FBXW7: variants seen among roughly 807,000 people sequenced by gnomAD.
FBXW7 encodes F-box/WD repeat-containing protein 7.
Under a neutral mutation model 86.3 loss-of-function variants are expected in FBXW7, and 11 were observed. That is an observed-to-expected ratio of 0.13 (90% CI 0.08 to 0.21). The LOEUF (loss-of-function observed/expected upper bound fraction) is 0.21, where lower values mean the gene tolerates loss of function less well. Among genes scored for constraint, FBXW7 ranks in the 10% least tolerant of loss-of-function variants. FBXW7 has a pLI of 1.00. For missense variants in FBXW7, 488 were observed against 847.4 expected, an observed-to-expected ratio of 0.58 and a Z score of 5.27; for synonymous variants, 313 against 297.9, an observed-to-expected ratio of 1.05 and a Z score of -0.52.
chr4:152,478,454 C>T (rs1430452551), intron 2 of FBXW7, among the ~76,000 whole-genome samples: 4 of 152,006 alleles, frequency 2.6e-5, no homozygotes, highest in Non-Finnish European at 5.9e-5. Context: ...ACACATTTGT[C>T]CATTCATCTG....
chr4:152,444,086 T>C (rs1741147161), intron 2 of FBXW7, among the ~76,000 whole-genome samples: 1 of 151,214 alleles, frequency 6.6e-6, no homozygotes, highest in South Asian at 2.1e-4. Context: ...GCTTTAAAAA[T>C]GGGTGCCATG....
chr4:152,367,787 C>T (rs937912703), intron 4 of FBXW7, among the ~76,000 whole-genome samples: 1 of 152,014 alleles, frequency 6.6e-6, no homozygotes, highest in African/African-American at 2.4e-5. Context: ...TTTCACAAAG[C>T]ATCTACATTT....
At chr4:152,346,890 T>C (rs1005839839) in intron 6 of FBXW7, 40 bp downstream of exon 6, 2 of 1,608,638 alleles carry the variant, frequency 1.2e-6, no homozygotes, top group Non-Finnish European at 1.7e-6. Flanking sequence ...TTTGCAGCAA[T>C]TAAGTGAGGC....
At chr4:152,376,885 T>C (rs1044476268) in intron 4 of FBXW7, among the ~76,000 whole-genome samples, 37 of 152,016 alleles carry the variant, frequency 2.4e-4, no homozygotes, top group Middle Eastern at 3.4e-3. Flanking sequence ...TATTTCCAGT[T>C]TTTTCATGAC....
At position 152,459,684 on chromosome 4, in the gene FBXW7, T is replaced by C. The variant is rs374316505; in HGVS notation, c.-119-47155A>G. Among the ~76,000 whole-genome samples, 108 of 152,324 alleles carry C rather than the reference T, an allele frequency of 7.1e-4. No individual in the cohort carries two copies. In the Middle Eastern group the frequency reaches 0.01, roughly 14 times the overall value. On this transcript the variant is annotated intron_variant, in intron 2 of 13. Transcript: ENST00000281708. The stretch of plus-strand genomic sequence containing the variant: ...AAACCACAGATAGAACCAAACTCTA[T>C]ATATACTATGTCTTTTCCTATACAT...
chr4:152,444,096 G>C (rs557976011), intron 2 of FBXW7, among the ~76,000 whole-genome samples: 12 of 151,678 alleles, frequency 7.9e-5, no homozygotes, highest in African/African-American at 2.9e-4. Context: ...TGGGTGCCAT[G>C]TTAGGTTACA....
chr4:152,449,092 A>G (rs1560910929), intron 2 of FBXW7, among the ~76,000 whole-genome samples: 2 of 152,232 alleles, frequency 1.3e-5, no homozygotes, highest in Non-Finnish European at 2.9e-5. Flanking sequence ...CTGCTGCTGC[A>G]TTGCTTTGAG....
At chr4:152,456,836 A>G (rs1742462480) in intron 2 of FBXW7, among the ~76,000 whole-genome samples, 1 of 152,174 alleles carries the variant, frequency 6.6e-6, no homozygotes, top group Admixed American at 6.5e-5. Flanking sequence ...GTAAACATAC[A>G]CCTACTATAT....
At chr4:152,481,767 C>T (rs762841910) in intron 2 of FBXW7, among the ~76,000 whole-genome samples, 2 of 152,152 alleles carry the variant, frequency 1.3e-5, no homozygotes, top group Non-Finnish European at 2.9e-5. Flanking sequence ...GAACTAGAAG[C>T]AGAGCCTGAT....
At chr4:152,436,157 C>T (rs1202658697) in intron 2 of FBXW7, among the ~76,000 whole-genome samples, 2 of 152,022 alleles carry the variant, frequency 1.3e-5, no homozygotes, top group African/African-American at 2.4e-5. Context: ...GCTAGAAATG[C>T]AAAAGAAAAG....
rs189786669 is a variant in FBXW7, at chr4:152,404,590, C to A, written c.501+6713G>T. ...TAAGCATTTCCTGTTATTAAATATTCTTTCAAATGTGATGTTTAATGGCTG... is the reference window on the plus strand; with the variant it reads ...TAAGCATTTCCTGTTATTAAATATTATTTCAAATGTGATGTTTAATGGCTG... On this transcript the variant is annotated intron_variant, in intron 4 of 13. Transcript: ENST00000281708. Among the ~76,000 whole-genome samples, 760 of 152,206 alleles carry A rather than the reference C, an allele frequency of 5.0e-3. 5 individuals carry two copies. Among genetic ancestry groups the A allele is most frequent in the Admixed American group, 6.9e-3 (105 of 15,300 alleles).
chr4:152,344,902 C>A (rs1731105040), intron 6 of FBXW7, among the ~76,000 whole-genome samples: 1 of 152,052 alleles, frequency 6.6e-6, no homozygotes, highest in Non-Finnish European at 1.5e-5. Flanking sequence ...ATAAAATAAG[C>A]ATTTTGGAGG....
intron 2 of FBXW7, among the ~76,000 whole-genome samples, chr4:152,473,757 C>A (rs886915595): frequency 2.0e-5 from 3 of 152,154 alleles, no homozygotes; most frequent in Non-Finnish European, 4.4e-5. Flanking sequence ...ATGAAACATG[C>A]TTCTTCCAAT....
At chr4:152,365,508 C>G (rs1380242876) in intron 4 of FBXW7, among the ~76,000 whole-genome samples, 6 of 151,968 alleles carry the variant, frequency 3.9e-5, no homozygotes, top group Non-Finnish European at 8.8e-5. Flanking sequence ...TAGGAGTGGG[C>G]AGTTAAGAGA....
intron 11 of FBXW7, among the ~76,000 whole-genome samples, chr4:152,327,748 T>C (rs1729177448): frequency 6.6e-6 from 1 of 152,016 alleles, no homozygotes; most frequent in Admixed American, 6.6e-5. Context: ...TAGTTCAGAA[T>C]GAGAGAACAA....
Position 152,411,669 on chromosome 4 carries a change from G to C in FBXW7, c.135C>G (p.Leu45=), listed in dbSNP as rs1195827574. Residue 45 remains leucine, a synonymous_variant, in exon 4 of 14, where the codon CTC becomes CTG. Transcript: ENST00000281708. ...CAGTGTGCTCCTCCTCTTGTTGTCT[G>C]AGTTGCTGTTGCTGTTCCTCCTCTA... ...RVVEEEQQQQ[L]RQQEEEHTAR... 1 of 1,613,824 alleles carries C rather than the reference G, an allele frequency of 6.2e-7. No individual in the cohort carries two copies. The highest frequency in any genetic ancestry group is 8.5e-7 in the Non-Finnish European group (1 of 1,179,910).
At chr4:152,471,551 GAGAGAGAAAGGA>G (rs1225555659) in intron 2 of FBXW7, among the ~76,000 whole-genome samples, 4 of 150,968 alleles carry the variant, frequency 2.6e-5, no homozygotes, top group Admixed American at 2.6e-4. Context: ...AGGAAGGAAG[GAGAGAGAAAGGA>G]AGAGAGAAAG....
intron 4 of FBXW7, among the ~76,000 whole-genome samples, chr4:152,384,454 A>G (rs1485566994): frequency 6.6e-6 from 1 of 152,138 alleles, no homozygotes; most frequent in Non-Finnish European, 1.5e-5. Flanking sequence ...ATCCACTTAT[A>G]TAAGGTACTT....
chr4:152,387,677 T>A (rs1268144629), intron 4 of FBXW7, among the ~76,000 whole-genome samples: 4 of 148,040 alleles, frequency 2.7e-5, no homozygotes, highest in African/African-American at 7.5e-5. Context: ...TACAATTAGA[T>A]TGGGCATCAA....
Sources: gnomAD v4.1 joint callset for allele counts (sites outside exome capture counted in the v4.1 genomes callset) on GRCh38, gnomAD v4.1.1 for gene constraint, MANE v1.5 for transcripts, NCBI Gene and HGNC (gene_info 2026-07-23, HGNC 2026-07-21) for gene names.